ATP1B3: variants seen among roughly 807,000 people sequenced by gnomAD.
ATP1B3 encodes the protein ATPase Na+/K+ transporting subunit beta 3.
Under a neutral mutation model 30.2 loss-of-function variants are expected in ATP1B3, and 10 were observed. The ratio of observed to expected loss-of-function variants is 0.33; its 90% CI spans 0.20 to 0.56. The LOEUF (loss-of-function observed/expected upper bound fraction) is 0.56. ATP1B3 is among the 20% of genes least tolerant of loss of function. The probability of loss-of-function intolerance (pLI) is 0.90; values close to 1 mark genes in which losing one functional copy is unlikely to be tolerated. For missense variants in ATP1B3, 238 were observed against 336.7 expected, an observed-to-expected ratio of 0.71 and a Z score of 2.29; for synonymous variants, 113 against 117.0, an observed-to-expected ratio of 0.97 and a Z score of 0.22.
intron 1 of ATP1B3, among the ~76,000 whole-genome samples, chr3:141,885,755 G>A (rs551616070): frequency 1.3e-5 from 2 of 152,202 alleles, no homozygotes; most frequent in African/African-American, 2.4e-5. Flanking sequence ...ACCAGCGCAT[G>A]CCTTTTCTTA....
intron 5 of ATP1B3, among the ~76,000 whole-genome samples, chr3:141,920,485 C>CCATT (rs1248741174): frequency 1.3e-5 from 2 of 151,914 alleles, no homozygotes; most frequent in Non-Finnish European, 2.9e-5. Context: ...CAAGATCAGG[C>CCATT]CATTGCACTC....
intron 1 of ATP1B3, among the ~76,000 whole-genome samples, chr3:141,899,881 G>T (rs1041597596): frequency 6.6e-6 from 1 of 151,856 alleles, no homozygotes; most frequent in African/African-American, 2.4e-5. Flanking sequence ...AAAAAAAAGT[G>T]TCAGTTGAGT....
At chr3:141,891,436 T>C (rs1360173198) in intron 1 of ATP1B3, among the ~76,000 whole-genome samples, 1 of 152,222 alleles carries the variant, frequency 6.6e-6, no homozygotes, top group Non-Finnish European at 1.5e-5. Context: ...TTGGTGTCTT[T>C]TACTGGGGTA....
intron 1 of ATP1B3, among the ~76,000 whole-genome samples, chr3:141,901,118 T>C (rs1934155192): frequency 6.6e-6 from 1 of 152,188 alleles, no homozygotes; most frequent in Non-Finnish European, 1.5e-5. Flanking sequence ...TAAGGAAATT[T>C]CTTGAAAGAT....
chr3:141,909,926 G>C (rs1156840810), intron 3 of ATP1B3, among the ~76,000 whole-genome samples: 8 of 152,132 alleles, frequency 5.3e-5, no homozygotes, highest in Admixed American at 3.3e-4. Flanking sequence ...GCAAGGGAGA[G>C]AGCAATGAAG....
At chr3:141,910,412 TATTA>T (rs1934338333) in intron 3 of ATP1B3, among the ~76,000 whole-genome samples, 1 of 152,234 alleles carries the variant, frequency 6.6e-6, no homozygotes, top group Admixed American at 6.5e-5. Flanking sequence ...CACTTTTCTT[TATTA>T]ATTATTATTT....
chr3:141,879,811 C>CTTTTTT (rs150389395), intron 1 of ATP1B3, among the ~76,000 whole-genome samples: 3,147 of 57,750 alleles, frequency 0.054, 187 homozygotes, highest in African/African-American at 0.11. Flanking sequence ...TTGGTAACAG[C>CTTTTTT]TTTTTTTTTT....
intron 1 of ATP1B3, among the ~76,000 whole-genome samples, chr3:141,886,617 A>C (rs1201877649): frequency 6.6e-6 from 1 of 152,218 alleles, no homozygotes; most frequent in Non-Finnish European, 1.5e-5. Context: ...AGATGACCAG[A>C]TAGGACTCAT....
intron 1 of ATP1B3, among the ~76,000 whole-genome samples, chr3:141,884,183 A>G (rs1459004507): frequency 6.6e-6 from 1 of 151,958 alleles, no homozygotes; most frequent in Non-Finnish European, 1.5e-5. Context: ...CCTCCCACAT[A>G]CCTGTTTAAA....
chr3:141,900,873 C>G (rs1431738861), intron 1 of ATP1B3, among the ~76,000 whole-genome samples: 1 of 152,128 alleles, frequency 6.6e-6, no homozygotes, highest in African/African-American at 2.4e-5. Context: ...GCCTCTGCCT[C>G]CTGGGTTCAA....
At chr3:141,887,070 A>G (rs1933848678) in intron 1 of ATP1B3, among the ~76,000 whole-genome samples, 1 of 152,208 alleles carries the variant, frequency 6.6e-6, no homozygotes. Flanking sequence ...AACAAAGCCT[A>G]CCTATATAAA....
chr3:141,896,432 G>T (rs1934068096), intron 1 of ATP1B3, among the ~76,000 whole-genome samples: 2 of 152,150 alleles, frequency 1.3e-5, no homozygotes, highest in Non-Finnish European at 2.9e-5. Context: ...GGGGCAGGAG[G>T]ATTGCTTGAG....
chr3:141,908,713 A>T (rs532567123), intron 3 of ATP1B3, among the ~76,000 whole-genome samples: 3 of 152,286 alleles, frequency 2.0e-5, no homozygotes, highest in Non-Finnish European at 4.4e-5. Context: ...TTCTCTGGAT[A>T]ATTCTCTGAA....
At chr3:141,877,699 G>T (rs1259479510) in intron 1 of ATP1B3, 1 of 151,284 alleles carries the variant, frequency 6.6e-6, no homozygotes, top group Admixed American at 6.6e-5. Flanking sequence ...GGAGAGTGAT[G>T]GTTGTATGTT....
intron 1 of ATP1B3, among the ~76,000 whole-genome samples, chr3:141,878,520 G>A (rs1036256588): frequency 1.3e-5 from 2 of 152,182 alleles, no homozygotes; most frequent in Non-Finnish European, 2.9e-5. Context: ...CTCATTTCCA[G>A]AACGGAGTAA....
intron 1 of ATP1B3, chr3:141,902,814 G>A (rs1934188315): frequency 1.3e-5 from 2 of 152,756 alleles, no homozygotes; most frequent in Non-Finnish European, 2.9e-5. Flanking sequence ...TGACCAGTGT[G>A]TCCTAAACTT....
At chr3:141,893,692 A>G (rs1230964537) in intron 1 of ATP1B3, among the ~76,000 whole-genome samples, 1 of 152,218 alleles carries the variant, frequency 6.6e-6, no homozygotes, top group Non-Finnish European at 1.5e-5. Context: ...ACACTCATGT[A>G]TATGTGTGTG....
chr3:141,885,130 A>G (rs1323792593), intron 1 of ATP1B3, among the ~76,000 whole-genome samples: 4 of 152,178 alleles, frequency 2.6e-5, no homozygotes, highest in African/African-American at 4.8e-5. Context: ...CAGCTTCACT[A>G]TCCTGTCGTC....
intron 1 of ATP1B3, among the ~76,000 whole-genome samples, chr3:141,884,438 C>A (rs1212668694): frequency 1.3e-5 from 2 of 152,118 alleles, no homozygotes; most frequent in Non-Finnish European, 2.9e-5. Context: ...TTTGCTCTTC[C>A]TGTCTTCTAA....
Sources: allele counts gnomAD v4.1 joint callset (sites outside exome capture counted in the v4.1 genomes callset), GRCh38; gene constraint gnomAD v4.1.1; transcripts MANE v1.5; gene names NCBI Gene and HGNC (gene_info 2026-07-23, HGNC 2026-07-21).